The following AXDND1 variants were observed in gnomAD, a reference collection of about 807,000 sequenced individuals.
The protein encoded by AXDND1 is axonemal dynein light chain domain-containing protein 1.
A neutral mutation model predicts 137.5 loss-of-function variants in AXDND1; 110 were observed. That is an observed-to-expected ratio of 0.80 (90% confidence interval 0.69 to 0.94). AXDND1 has a LOEUF of 0.94. Ranked by LOEUF, AXDND1 falls within the 40% of genes least tolerant of loss-of-function variation. The pLI, the probability that AXDND1 is intolerant of heterozygous loss-of-function variation, is 0.00. For synonymous variants in AXDND1, 414 were observed against 399.7 expected, an observed-to-expected ratio of 1.04 and a Z score of -0.43; for missense variants, 1,191 against 1,169.8, an observed-to-expected ratio of 1.02 and a Z score of -0.26.
At position 179,550,301 on chromosome 1, in the gene AXDND1, A is replaced by G. The variant is rs1039808435; in HGVS notation, c.3032-4211A>G. Among the ~76,000 whole-genome samples the G allele has an allele frequency of 3.9e-5, 6 of 152,220 alleles. No individual in the cohort carries two copies. The East Asian group carries it at 9.6e-4, about 24-fold the overall frequency. On this transcript the variant is annotated intron_variant, in intron 25 of 25. Transcript: ENST00000367618. Reference sequence around the variant, plus strand: ...TTAATGGAAAATAAGACTTAGAGAAATGTATCTATATTAAGAAATATCTGT... The same window carrying G: ...TTAATGGAAAATAAGACTTAGAGAAGTGTATCTATATTAAGAAATATCTGT...
At chr1:179,382,304 C>T in intron 6 of AXDND1, among the ~76,000 whole-genome samples, 1 of 152,074 alleles carries the variant, frequency 6.6e-6, no homozygotes, top group East Asian at 1.9e-4. Flanking sequence ...TGGTTTCGAA[C>T]TCCTGACCTC....
At chr1:179,500,762 C>G (rs1403422442) in intron 20 of AXDND1, among the ~76,000 whole-genome samples, 3 of 152,208 alleles carry the variant, frequency 2.0e-5, no homozygotes, top group African/African-American at 7.2e-5. Context: ...AACTCTGCCT[C>G]TCGGGTTCAA....
chr1:179,443,469 A>G (rs1049877033), intron 15 of AXDND1, among the ~76,000 whole-genome samples: 1 of 152,138 alleles, frequency 6.6e-6, no homozygotes, highest in Non-Finnish European at 1.5e-5. Context: ...ATATATTTAT[A>G]TTGTTGTACA....
At chr1:179,528,743 T>C (rs764198054) in intron 23 of AXDND1, among the ~76,000 whole-genome samples, 3 of 149,436 alleles carry the variant, frequency 2.0e-5, no homozygotes, top group Non-Finnish European at 4.4e-5. Context: ...AGGTTCCTGC[T>C]ACCATGCCCG....
chr1:179,405,050 T>C (rs1652727315), intron 11 of AXDND1, among the ~76,000 whole-genome samples: 1 of 152,124 alleles, frequency 6.6e-6, no homozygotes. Flanking sequence ...ATTAGGTATT[T>C]GTCCTAATGC....
At chr1:179,551,753 T>A (rs143575977) in intron 25 of AXDND1, 16 of 385,024 alleles carry the variant, frequency 4.2e-5, no homozygotes, top group African/African-American at 3.0e-4. Flanking sequence ...GAGAAAAGAT[T>A]AGCCAGCATT....
At chr1:179,546,643 A>G (rs1465437825) in intron 25 of AXDND1, among the ~76,000 whole-genome samples, 1 of 152,120 alleles carries the variant, frequency 6.6e-6, no homozygotes, top group African/African-American at 2.4e-5. Flanking sequence ...AGAGAGAGGA[A>G]ACTGGTTAGC....
chr1:179,470,821 G>A (rs939884606), intron 17 of AXDND1, among the ~76,000 whole-genome samples: 2 of 152,052 alleles, frequency 1.3e-5, no homozygotes, highest in African/African-American at 4.8e-5. Context: ...GGAAGATGTT[G>A]TTCCTATTCT....
At chr1:179,390,202 C>G (rs1649931286) in intron 9 of AXDND1, among the ~76,000 whole-genome samples, 1 of 152,044 alleles carries the variant, frequency 6.6e-6, no homozygotes, top group African/African-American at 2.4e-5. Context: ...TTAGTAGATA[C>G]AAGGTTTTTC....
intron 11 of AXDND1, among the ~76,000 whole-genome samples, chr1:179,398,268 G>A (rs1052247121): frequency 2.6e-5 from 4 of 152,188 alleles, no homozygotes; most frequent in Admixed American, 6.5e-5. Context: ...CCAACGCTCA[G>A]CTTCCAACTC....
rs774777479 is a variant in AXDND1, at chr1:179,368,885, A to C, written c.183A>C (p.Lys61Asn). 37 of 1,613,772 alleles carry C rather than the reference A, an allele frequency of 2.3e-5. No individual in the cohort carries two copies. Among genetic ancestry groups the C allele is most frequent in the Non-Finnish European group, 3.0e-5 (35 of 1,179,800 alleles). ...PTSLQNEFIP[K>N]EVLLSLTYAA... ...CCCTTCAGAATGAGTTCATTCCCAAAGAAGTTCTTCTTTCTCTGACCTATG... is the reference window on the plus strand; with the variant it reads ...CCCTTCAGAATGAGTTCATTCCCAACGAAGTTCTTCTTTCTCTGACCTATG... Residue 61 changes from lysine to asparagine, a missense_variant, in exon 3 of 26, where the codon AAA (lysine) becomes AAC (asparagine). Lys to Asn is a moderately conservative substitution (Grantham distance 94). Coordinates refer to ENST00000367618, the MANE Select transcript of AXDND1 (RefSeq NM_144696.6).
chr1:179,372,825 A>C (rs1411988615), intron 4 of AXDND1, among the ~76,000 whole-genome samples: 1 of 152,080 alleles, frequency 6.6e-6, no homozygotes, highest in African/African-American at 2.4e-5. Context: ...CTGGGACTAC[A>C]GGCATGCACC....
intron 24 of AXDND1, 32 bp downstream of exon 24, chr1:179,533,909 T>C (rs369260889): frequency 6.3e-7 from 1 of 1,581,922 alleles, no homozygotes; most frequent in Non-Finnish European, 8.7e-7. Flanking sequence ...GGTAAGAGGA[T>C]GAAAATGGCT....
At chr1:179,415,747 C>T (rs2125240819) in intron 12 of AXDND1, among the ~76,000 whole-genome samples, 1 of 151,956 alleles carries the variant, frequency 6.6e-6, no homozygotes, top group Non-Finnish European at 1.5e-5. Flanking sequence ...CTCTGTTGCC[C>T]AGGCTGGAGT....
intron 25 of AXDND1, among the ~76,000 whole-genome samples, chr1:179,553,862 C>A (rs150461062): frequency 2.6e-5 from 4 of 151,922 alleles, no homozygotes; most frequent in Admixed American, 2.6e-4. Context: ...TCTCCTGCCT[C>A]AGCCTCCTGA....
chr1:179,504,293 T>A (rs1668316836), intron 20 of AXDND1, among the ~76,000 whole-genome samples: 1 of 152,190 alleles, frequency 6.6e-6, no homozygotes, highest in African/African-American at 2.4e-5. Flanking sequence ...TGTTCAAGCC[T>A]TCTCAGGCCT....
At chr1:179,498,073 G>A (rs1361966544) in intron 20 of AXDND1, among the ~76,000 whole-genome samples, 3 of 152,070 alleles carry the variant, frequency 2.0e-5, no homozygotes, top group Non-Finnish European at 4.4e-5. Context: ...CATAAAAATG[G>A]CCATACTGCC....
At chr1:179,430,981 G>A (rs1657282169) in intron 14 of AXDND1, among the ~76,000 whole-genome samples, 1 of 152,158 alleles carries the variant, frequency 6.6e-6, no homozygotes, top group South Asian at 2.1e-4. Context: ...GAGGGAGATG[G>A]TTTTGATCGG....
At position 179,477,000 on chromosome 1, in the gene AXDND1, C is replaced by T. The variant is rs148346950; in HGVS notation, c.1998-6128C>T. ...TTATATGTAAGGGTGTCCCATATTT[C>T]TTCAAGGCTGTTTTCATGTCGCTTC... On this transcript the variant is annotated intron_variant, in intron 17 of 25. Transcript: ENST00000367618. Among the ~76,000 whole-genome samples the T allele has an allele frequency of 1.3e-3, 198 of 152,154 alleles. 1 individual carries two copies. Among genetic ancestry groups the T allele is most frequent in the African/African-American group, 4.6e-3 (190 of 41,530 alleles).
Sources: allele counts gnomAD v4.1 joint callset (sites outside exome capture counted in the v4.1 genomes callset), GRCh38; gene constraint gnomAD v4.1.1; transcripts MANE v1.5; gene names NCBI Gene and HGNC (gene_info 2026-07-23, HGNC 2026-07-21).